Variants in CNST observed in about 807,000 individuals in gnomAD.
The protein encoded by CNST is consortin.
Under a neutral mutation model 72.4 loss-of-function variants are expected in CNST, and 39 were observed. The ratio of observed to expected loss-of-function variants is 0.54; its 90% CI spans 0.42 to 0.70. The LOEUF (loss-of-function observed/expected upper bound fraction) is 0.70, where lower values mean the gene tolerates loss of function less well. CNST is among the 30% of genes least tolerant of loss of function. The pLI is 0.00. For synonymous variants in CNST, 332 were observed against 320.1 expected (o/e 1.04, Z -0.40); for missense variants, 871 against 868.5 (o/e 1.00, Z -0.04).
At chr1:246,575,903 T>C (rs28515004) in intron 1 of CNST, among the ~76,000 whole-genome samples, 3,372 of 152,228 alleles carry the variant, frequency 0.022, 63 homozygotes, top group East Asian at 0.061. Context: ...AGAACAATAC[T>C]GACACTTTAA....
chr1:246,623,286 T>C (rs1217725989), intron 3 of CNST, among the ~76,000 whole-genome samples: 1 of 152,222 alleles, frequency 6.6e-6, no homozygotes, highest in Non-Finnish European at 1.5e-5. Flanking sequence ...ACATGCTCTT[T>C]GAGGCTGAAG....
At chr1:246,585,666 T>TACACAC (rs56730668) in intron 1 of CNST, among the ~76,000 whole-genome samples, 36 of 101,602 alleles carry the variant, frequency 3.5e-4, no homozygotes, top group East Asian at 1.7e-3. Context: ...AAAAAAAATA[T>TACACAC]ACACACACAC....
Position 246,647,975 on chromosome 1 carries a change from C to T in CNST, c.1774C>T (p.Leu592=). 1 of 1,613,766 alleles carries T rather than the reference C, an allele frequency of 6.2e-7. No individual in the cohort carries two copies. The highest frequency in any genetic ancestry group is 1.3e-5 in the African/African-American group (1 of 75,052). The stretch of plus-strand genomic sequence containing the variant: ...AGCATCCTATAGTCTCCAGGAGAAT[C>T]TGCCTTCTGATGAGAGCTGTCTTTC... ...EEASYSLQEN[L]PSDESCLSLD... is the part of the protein sequence containing the mutation. The change falls in exon 9 of 11, where the codon CTG becomes TTG. Residue 592 remains leucine, a synonymous_variant. Coordinates refer to ENST00000366513, the MANE Select transcript of CNST (RefSeq NM_152609.3).
At chr1:246,622,895 C>A (rs1431322556) in intron 3 of CNST, among the ~76,000 whole-genome samples, 1 of 152,146 alleles carries the variant, frequency 6.6e-6, no homozygotes, top group Non-Finnish European at 1.5e-5. Context: ...ATGATCTCAG[C>A]TCACTGTAAT....
chr1:246,588,065 T>C (rs1187395687), intron 1 of CNST, among the ~76,000 whole-genome samples: 1 of 152,170 alleles, frequency 6.6e-6, no homozygotes, highest in Non-Finnish European at 1.5e-5. Flanking sequence ...TTGCCTACCT[T>C]ATAGCATAAA....
chr1:246,589,800 T>C (rs1157780175), intron 1 of CNST, among the ~76,000 whole-genome samples: 1 of 152,186 alleles, frequency 6.6e-6, no homozygotes, highest in Admixed American at 6.5e-5. Context: ...TTTTAATGAT[T>C]GCCATTCTAA....
intron 2 of CNST, chr1:246,606,137 C>T (rs556122839): frequency 4.6e-3 from 700 of 152,528 alleles, no homozygotes; most frequent in South Asian, 9.3e-3. Context: ...TGGTATCCAT[C>T]GTGTCGTTGT....
chr1:246,576,073 A>G (rs1185821577), intron 1 of CNST, among the ~76,000 whole-genome samples: 1 of 148,974 alleles, frequency 6.7e-6, no homozygotes, highest in Non-Finnish European at 1.5e-5. Flanking sequence ...TGTCCCTACT[A>G]AAAATGCAAA....
At chr1:246,645,433 T>TA (rs1558585612) in intron 8 of CNST, among the ~76,000 whole-genome samples, 51 of 93,582 alleles carry the variant, frequency 5.4e-4, no homozygotes, top group Middle Eastern at 4.5e-3. Context: ...ACTTTTTTTT[T>TA]TTTTTTTTTT....
In CNST at chr1:246,649,936, G is replaced by A. The variant is rs530604485; in HGVS notation, c.1836+1899G>A. ...GTTGAAGATGCACAAGGGTCTTGTC[G>A]TGGATGTATCAAAGGTCTGTAGCAT... On this transcript the variant is annotated intron_variant, in intron 9 of 10. Transcript: ENST00000366513. Among the ~76,000 whole-genome samples, 11 of 151,436 alleles carry A rather than the reference G, an allele frequency of 7.3e-5. 1 individual carries two copies. In the South Asian group the frequency reaches 1.7e-3, roughly 23 times the overall value.
intron 10 of CNST, among the ~76,000 whole-genome samples, chr1:246,662,810 AATCTGTGTTC>A (rs1667176604): frequency 6.6e-6 from 1 of 152,186 alleles, no homozygotes; most frequent in South Asian, 2.1e-4. Context: ...AAGTATTCAG[AATCTGTGTTC>A]ATCGCCGCTC....
chr1:246,622,114 A>G (rs1664131411), intron 3 of CNST, among the ~76,000 whole-genome samples: 1 of 152,246 alleles, frequency 6.6e-6, no homozygotes, highest in Non-Finnish European at 1.5e-5. Context: ...TATTTGGCAT[A>G]TTACTAATTG....
At chr1:246,630,420 TATAAC>T (rs1271770629) in intron 3 of CNST, among the ~76,000 whole-genome samples, 2 of 152,238 alleles carry the variant, frequency 1.3e-5, no homozygotes, top group East Asian at 1.9e-4. Context: ...AAATCTTTAA[TATAAC>T]ATAAATATGG....
rs928600850 is a variant in CNST at position 246,632,326 on chromosome 1, C to T, written c.616+402C>T. ...CAACGTGCGCCACAGACTTGGGACC[C>T]GGGACATTGCCGCCCCCGTGATGGT... On this transcript the variant is annotated intron_variant, in intron 4 of 10. Coordinates refer to ENST00000366513, the MANE Select transcript of CNST (RefSeq NM_152609.3). The T allele has an allele frequency of 1.0e-4, 29 of 289,466 alleles. 3 individuals are homozygous for T. Among genetic ancestry groups the T allele is most frequent in the Middle Eastern group, 1.4e-3 (1 of 718 alleles). The allele number at this position is 289,466 out of a possible 1,614,324, so 17.9% of individuals were successfully genotyped here.
intron 2 of CNST, among the ~76,000 whole-genome samples, chr1:246,592,276 C>T (rs949452392): frequency 6.6e-6 from 1 of 152,096 alleles, no homozygotes; most frequent in South Asian, 2.1e-4. Context: ...TACCTGAGGT[C>T]GGGAGTTCAA....
At chr1:246,568,972 A>G (rs768459787) in intron 1 of CNST, among the ~76,000 whole-genome samples, 6 of 152,014 alleles carry the variant, frequency 3.9e-5, no homozygotes, top group Non-Finnish European at 8.8e-5. Flanking sequence ...GGCCTCATGC[A>G]ATCCTCCCAC....
intron 9 of CNST, among the ~76,000 whole-genome samples, chr1:246,654,988 C>T (rs1320633021): frequency 1.3e-5 from 2 of 152,106 alleles, no homozygotes; most frequent in East Asian, 3.9e-4. Flanking sequence ...GTTTTGGATA[C>T]TGGAAGAACT....
At chr1:246,612,799 C>T (rs1040701231) in intron 2 of CNST, among the ~76,000 whole-genome samples, 2 of 152,040 alleles carry the variant, frequency 1.3e-5, no homozygotes, top group African/African-American at 4.8e-5. Flanking sequence ...GTGGGAGGAT[C>T]ACTTGAACTG....
chr1:246,605,509 C>G (rs904298349), intron 2 of CNST, among the ~76,000 whole-genome samples: 1 of 152,186 alleles, frequency 6.6e-6, no homozygotes, highest in East Asian at 1.9e-4. Flanking sequence ...TGGGTGCAGA[C>G]GGGCTGAGGC....
Sources: allele counts gnomAD v4.1 joint callset (sites outside exome capture counted in the v4.1 genomes callset), GRCh38; gene constraint gnomAD v4.1.1; transcripts MANE v1.5; gene names NCBI Gene and HGNC (gene_info 2026-07-23, HGNC 2026-07-21).